Variants in SATL1 observed in about 807,000 individuals in gnomAD.
SATL1 encodes spermidine/spermine N(1)-acetyltransferase-like protein 1.
SATL1 carries 47 observed loss-of-function variants against 51.8 expected under a neutral mutation model. The ratio of observed to expected loss-of-function variants is 0.91; its 90% CI spans 0.72 to 1.16. The LOEUF is 1.16. Among genes scored for constraint, SATL1 ranks in the 50% most tolerant of loss-of-function variants. SATL1 has a pLI of 0.00. For missense variants in SATL1, 520 were observed against 526.4 expected (o/e 0.99, Z 0.12); for synonymous variants, 176 against 182.4 (o/e 0.97, Z 0.28).
At chrX:85,093,123 C>T (rs997535396) in intron 7 of SATL1, 62 bp downstream of exon 7, 6 of 1,027,905 alleles carry the variant, frequency 5.8e-6, no homozygotes, top group Non-Finnish European at 7.9e-6. Context: ...AATTTATGCC[C>T]TGTGAATATT....
intron 5 of SATL1, among the ~76,000 whole-genome samples, chrX:85,094,706 C>T (rs757379740): frequency 9.0e-6 from 1 of 111,707 alleles, no homozygotes; most frequent in South Asian, 3.8e-4. Flanking sequence ...CATGCCACTG[C>T]ACTCCAGCCT....
intron 2 of SATL1, among the ~76,000 whole-genome samples, chrX:85,129,022 C>T (rs2147705307): frequency 9.0e-6 from 1 of 111,697 alleles, no homozygotes; most frequent in Non-Finnish European, 1.9e-5. Flanking sequence ...ATTTTGGTAC[C>T]AGTGCCATGC....
rs370053271 is a variant in SATL1 at position 85,145,928 on chromosome X, G to A, written c.-312-36648C>T. 1.4e-4 allele frequency among the ~76,000 whole-genome samples: 14 copies of A among 100,465 alleles called. No homozygotes were observed. In the East Asian group the frequency reaches 2.5e-3, roughly 18 times the overall value. 87.2% of individuals were successfully genotyped at this position (100,465 alleles called of 115,157 possible). On this transcript the variant is annotated intron_variant, in intron 2 of 7. Transcript: ENST00000644105. ...TTTTTTTTTTTTGAGACAGAGTCTC[G>A]CTCTGTCGCCTGGGCTGGAGTGCAG...
chrX:85,227,421 C>T (rs1381879666), intron 1 of SATL1, among the ~76,000 whole-genome samples: 2 of 112,017 alleles, frequency 1.8e-5, no homozygotes, highest in Admixed American at 9.5e-5. Context: ...TCCAGAAACA[C>T]CCAATCAATT....
intron 2 of SATL1, among the ~76,000 whole-genome samples, chrX:85,132,636 C>G (rs181655667): frequency 2.6e-4 from 29 of 112,021 alleles, no homozygotes; most frequent in African/African-American, 8.1e-4. Flanking sequence ...TACTGACCTT[C>G]TGAAGCCTAC....
At chrX:85,224,487 T>C (rs1463019080) in intron 1 of SATL1, among the ~76,000 whole-genome samples, 161 bp from the exon 2 acceptor site, 1 of 111,623 alleles carries the variant, frequency 9.0e-6, no homozygotes, top group Non-Finnish European at 1.9e-5. Flanking sequence ...TTCAGCTTCT[T>C]TCATTCTGAG....
chrX:85,172,920 A>G (rs929191511), intron 2 of SATL1, among the ~76,000 whole-genome samples: 26 of 111,602 alleles, frequency 2.3e-4, no homozygotes, highest in African/African-American at 8.4e-4. Context: ...CAAGAGAAAG[A>G]ATGTTATATT....
intron 2 of SATL1, among the ~76,000 whole-genome samples, chrX:85,213,865 T>A (rs956900570): frequency 9.0e-6 from 1 of 110,751 alleles, no homozygotes; most frequent in African/African-American, 3.3e-5. Context: ...TAAGAGAGAA[T>A]GGCACTGAAC....
chrX:85,127,234 C>T (rs1259011809), intron 2 of SATL1, among the ~76,000 whole-genome samples: 2 of 110,520 alleles, frequency 1.8e-5, no homozygotes, highest in African/African-American at 6.6e-5. Context: ...GATCCTCTAC[C>T]GCCTCACTTC....
At chrX:85,181,763 G>C (rs186046420) in intron 2 of SATL1, among the ~76,000 whole-genome samples, 101 of 111,633 alleles carry the variant, frequency 9.0e-4, no homozygotes, top group African/African-American at 3.1e-3. Context: ...AGCCATCTCT[G>C]TCTTGCAGGA....
At chrX:85,152,517 C>T (rs1252284041) in intron 2 of SATL1, among the ~76,000 whole-genome samples, 1 of 111,366 alleles carries the variant, frequency 9.0e-6, no homozygotes, top group Non-Finnish European at 1.9e-5. Context: ...CACATGCACA[C>T]GTATGTTTAT....
intron 2 of SATL1, among the ~76,000 whole-genome samples, chrX:85,126,036 C>G (rs1397803455): frequency 9.0e-6 from 1 of 110,571 alleles, no homozygotes; most frequent in African/African-American, 3.3e-5. Flanking sequence ...GCCCAGCAAA[C>G]CCTAAATGAT....
chrX:85,167,397 AAAT>A (rs921576183), intron 2 of SATL1, among the ~76,000 whole-genome samples: 1 of 110,693 alleles, frequency 9.0e-6, no homozygotes, highest in South Asian at 3.9e-4. Context: ...AAAACTATTG[AAAT>A]AATAATAATA....
intron 1 of SATL1, among the ~76,000 whole-genome samples, chrX:85,225,179 G>T (rs981090296): frequency 8.9e-6 from 1 of 111,917 alleles, no homozygotes; most frequent in Non-Finnish European, 1.9e-5. Flanking sequence ...TTGCAGTGAT[G>T]AAATTGTTCT....
chrX:85,103,744 A>G, intron 4 of SATL1, 120 bp downstream of exon 4: 1 of 437,324 alleles, frequency 2.3e-6, no homozygotes, highest in Non-Finnish European at 4.0e-6. Context: ...TATCAAATTT[A>G]TGTCCTGCAC....
chrX:85,163,248 T>C (rs917184091), intron 2 of SATL1, among the ~76,000 whole-genome samples: 1 of 110,834 alleles, frequency 9.0e-6, no homozygotes, highest in Non-Finnish European at 1.9e-5. Context: ...TTGCTACTTG[T>C]TATTGGTCTG....
chrX:85,170,540 A>G (rs2147734471), intron 2 of SATL1, among the ~76,000 whole-genome samples: 1 of 111,700 alleles, frequency 9.0e-6, no homozygotes, highest in African/African-American at 3.2e-5. Flanking sequence ...AGGAAAGAAC[A>G]ATTAGTAAAA....
At chrX:85,161,582 A>G (rs1484501197) in intron 2 of SATL1, among the ~76,000 whole-genome samples, 3 of 111,526 alleles carry the variant, frequency 2.7e-5, no homozygotes, top group Non-Finnish European at 3.8e-5. Context: ...AGGGAACTAC[A>G]TAACAGTAAA....
chrX:85,231,026 C>T (rs1012253731), intron 1 of SATL1, among the ~76,000 whole-genome samples: 3 of 111,503 alleles, frequency 2.7e-5, no homozygotes, highest in Non-Finnish European at 5.7e-5. Flanking sequence ...AATAGAGCTA[C>T]CATATGATGC....
Sources: allele counts gnomAD v4.1 joint callset (sites outside exome capture counted in the v4.1 genomes callset), GRCh38; gene constraint gnomAD v4.1.1; transcripts MANE v1.5; gene names NCBI Gene and HGNC (gene_info 2026-07-23, HGNC 2026-07-21).